Variants in CELSR1 observed in about 807,000 individuals in gnomAD.
The protein encoded by CELSR1 is adhesion G protein-coupled receptor C1.
A neutral mutation model predicts 249.1 loss-of-function variants in CELSR1; 110 were observed. The observed-to-expected ratio is 0.44, with a 90% confidence interval of 0.38 to 0.52. The LOEUF is 0.52. Among genes scored for constraint, CELSR1 ranks in the 20% least tolerant of loss-of-function variants. CELSR1 has a pLI of 0.00. For synonymous variants in CELSR1, 2,113 were observed against 1,900.0 expected (o/e 1.11, Z -2.92); for missense variants, 4,109 against 4,296.4 (o/e 0.96, Z 1.22).
Position 46,418,567 on chromosome 22 carries a change from CAAGT to C in CELSR1, c.4612-6812_4612-6809del, listed in dbSNP as rs367676324. Reference sequence around the variant, plus strand: ...TTTACATCTTTAAAGAAAAAAGCAGCAAGTAAGCAACTCGTGCAATTAGCCTCTC... The same window carrying C: ...TTTACATCTTTAAAGAAAAAAGCAGCAAGCAACTCGTGCAATTAGCCTCTC... On this transcript the variant is annotated intron_variant, in intron 5 of 34. Coordinates refer to ENST00000674500, the MANE Select transcript of CELSR1 (RefSeq NM_001378328.1). Among the ~76,000 whole-genome samples, 737 of 152,200 alleles carry C rather than the reference CAAGT, an allele frequency of 4.8e-3. 6 individuals carry two copies. Among genetic ancestry groups the C allele is most frequent in the South Asian group, 0.024 (117 of 4,800 alleles).
Position 46,411,653 on chromosome 22 carries a change from T to G in CELSR1, c.4718A>C (p.Asp1573Ala). Residue 1573 changes from aspartate (D) to alanine (A), a missense_variant, in exon 6 of 35, where the codon GAC becomes GCC. Physicochemically the swap from Asp to Ala is moderately radical, Grantham distance 126. Around this residue, in one of 7 missense-constraint regions of CELSR1, gnomAD observed 453 missense variants for 492.0 expected, o/e 0.92. Coordinates refer to ENST00000674500, the MANE Select transcript of CELSR1 (RefSeq NM_001378328.1). This position sits in a 1 kb window ranked among gnomAD's most constrained non-coding sequence, Gnocchi z 4.2. Reference protein sequence around the residue: ...DTTMAVRFGKDIGNYSCAAQG... With the variant: ...DTTMAVRFGKAIGNYSCAAQG... ...GGCAGCGCAGCTGTAGTTCCCGATGTCCTTTCCAAAGCGCACAGCCATGGT... is the reference window on the plus strand; with the variant it reads ...GGCAGCGCAGCTGTAGTTCCCGATGGCCTTTCCAAAGCGCACAGCCATGGT... The G allele has an allele frequency of 6.2e-7, 1 of 1,614,196 alleles. No individual in the cohort carries two copies. Among genetic ancestry groups the G allele is most frequent in the Non-Finnish European group, 8.5e-7 (1 of 1,180,034 alleles).
intron 1 of CELSR1, among the ~76,000 whole-genome samples, chr22:46,476,137 G>A (rs191562789): frequency 6.6e-6 from 1 of 152,138 alleles, no homozygotes; most frequent in Non-Finnish European, 1.5e-5. Flanking sequence ...TCTATCCCTA[G>A]GTGCAATGCA....
At position 46,391,107 on chromosome 22, in the gene CELSR1, A is replaced by G; in HGVS notation, c.6250+79T>C. 1 of 1,160,396 alleles carries G rather than the reference A, an allele frequency of 8.6e-7. No homozygotes were observed. Among genetic ancestry groups the G allele is most frequent in the Non-Finnish European group, 1.3e-6 (1 of 797,628 alleles). The allele number at this position is 1,160,396 out of a possible 1,614,324, so 71.9% of individuals were successfully genotyped here. The stretch of plus-strand genomic sequence containing the variant: ...ATATTTTTTCAACACGAAACATTCC[A>G]TGAGTCCCCACATCTCGACTGGCTC... On this transcript the variant is annotated intron_variant, in intron 16 of 34. Transcript: ENST00000674500. This position sits in a 1 kb window ranked among gnomAD's most constrained non-coding sequence, Gnocchi z 4.3.
Position 46,464,746 on chromosome 22 carries a change from C to T in CELSR1, c.3545-401G>A, listed in dbSNP as rs1477586930. ...GTTCCAGCCACATGAGGACTTGAAG[C>T]CCCCTTCTACCTCCTCTGCACCTGC... is the stretch of plus-strand genomic sequence containing the variant. On this transcript the variant is annotated intron_variant, in intron 1 of 34. Transcript: ENST00000674500. The surrounding 1 kb of genome is among the most constrained non-coding windows in gnomAD (Gnocchi z 8.5). 2.6e-5 allele frequency among the ~76,000 whole-genome samples: 4 copies of T among 152,174 alleles called. No homozygotes were observed. In the South Asian group the frequency reaches 8.3e-4, roughly 31 times the overall value.
In CELSR1 at chr22:46,517,533, G is replaced by A. The variant is rs894470292; in HGVS notation, c.3544+16094C>T. Reference sequence around the variant, plus strand: ...GGCGCCCCAGGCCGGCTCTTGTCTTGGTACCTCTGTCCACAGTAAGGTGCC... The same window carrying A: ...GGCGCCCCAGGCCGGCTCTTGTCTTAGTACCTCTGTCCACAGTAAGGTGCC... On this transcript the variant is annotated intron_variant, in intron 1 of 34. Coordinates refer to ENST00000674500, the MANE Select transcript of CELSR1 (RefSeq NM_001378328.1). The surrounding 1 kb of genome is among the most constrained non-coding windows in gnomAD (Gnocchi z 5.4). Among the ~76,000 whole-genome samples, 1 of 152,114 alleles carries A rather than the reference G, an allele frequency of 6.6e-6. No homozygotes were observed. Among genetic ancestry groups the A allele is most frequent in the African/African-American group, 2.4e-5 (1 of 41,418 alleles).
In CELSR1 at chr22:46,430,638, GGCT is replaced by G. The variant is rs2079584724; in HGVS notation, c.4611+2752_4611+2754del. ...GGTGGCCCAAGGTCACCCCCAAGGT[GGCT>G]GCTGGAGGACAGGACCAGAGGTGAC... is the stretch of plus-strand genomic sequence containing the variant. On this transcript the variant is annotated intron_variant, in intron 5 of 34. Transcript: ENST00000674500. The surrounding 1 kb of genome is among the most constrained non-coding windows in gnomAD (Gnocchi z 4.6). Among the ~76,000 whole-genome samples the G allele has an allele frequency of 6.6e-6, 1 of 152,308 alleles. No individual in the cohort carries two copies. Among genetic ancestry groups the G allele is most frequent in the South Asian group, 2.1e-4 (1 of 4,832 alleles).
chr22:46,384,134 C>T (rs142335880), intron 20 of CELSR1, among the ~76,000 whole-genome samples: 3,426 of 152,030 alleles, frequency 0.023, 68 homozygotes, highest in Non-Finnish European at 0.036. Flanking sequence ...CGGGGTTTTA[C>T]CACGTTGGCC....
chr22:46,536,891 C>T lies in CELSR1; in HGVS notation c.280G>A (p.Ala94Thr), dbSNP rs186581679. The T allele has an allele frequency of 2.4e-3, 2,936 of 1,223,502 alleles. 39 individuals are homozygous for T. In the African/African-American group the frequency reaches 0.038, roughly 16 times the overall value. The allele number at this position is 1,223,502 out of a possible 1,614,324, so 75.8% of individuals were successfully genotyped here. A position where few individuals can be genotyped will look rare whatever the true frequency, so the allele number is the denominator to read the frequency against. ...RPLPLQVRLVARSAPTALSRR... is the reference protein window; with the variant it reads ...RPLPLQVRLVTRSAPTALSRR... Reference sequence around the variant, plus strand: ...CTCAGCGCCGTCGGGGCACTGCGGGCCACCAAGCGGACTTGCAGCGGCAGC... The same window carrying T: ...CTCAGCGCCGTCGGGGCACTGCGGGTCACCAAGCGGACTTGCAGCGGCAGC... The change falls in exon 1 of 35, where the codon GCC (alanine) becomes ACC (threonine). Residue 94 changes from alanine (A) to threonine (T), a missense_variant. Around this residue, in one of 7 missense-constraint regions of CELSR1, gnomAD observed 673 missense variants for 636.8 expected, o/e 1.06. Coordinates refer to ENST00000674500, the MANE Select transcript of CELSR1 (RefSeq NM_001378328.1).
At chr22:46,369,910 C>T (rs1388849557) in intron 25 of CELSR1, 106 bp from the exon 26 acceptor site, 12 of 929,068 alleles carry the variant, frequency 1.3e-5, no homozygotes, top group Non-Finnish European at 2.1e-5. Flanking sequence ...CAGCATCTCC[C>T]TTCTCAGAGG....
Position 46,386,595 on chromosome 22 carries a change from C to A in CELSR1, c.6556-10G>T. ...CCGAGTGGATGACGTCCTGGTCAGA[C>A]AGACAGCACTCAGTACTCAGCCTGC... is the stretch of plus-strand genomic sequence containing the variant. On this transcript the variant is annotated splice_polypyrimidine_tract_variant and intron_variant, in intron 18 of 34. Transcript: ENST00000674500. The A allele has an allele frequency of 6.3e-7, 1 of 1,580,752 alleles. No homozygotes were observed. Among genetic ancestry groups the A allele is most frequent in the Non-Finnish European group, 8.5e-7 (1 of 1,170,578 alleles).
At chr22:46,461,125 C>G (rs1235633121) in intron 2 of CELSR1, among the ~76,000 whole-genome samples, 1 of 152,090 alleles carries the variant, frequency 6.6e-6, no homozygotes, top group Admixed American at 6.6e-5. Context: ...CAATTACCTC[C>G]ACGCAGAAAA....
chr22:46,438,717 G>A (rs1299424303), intron 3 of CELSR1, among the ~76,000 whole-genome samples: 1 of 152,178 alleles, frequency 6.6e-6, no homozygotes, highest in African/African-American at 2.4e-5. Flanking sequence ...GGGCTGAAGA[G>A]AAGTGGGTTA....
At position 46,367,149 on chromosome 22, in the gene CELSR1, C is replaced by T. The variant is rs1361613969; in HGVS notation, c.8080-31G>A. 2.5e-6 allele frequency: 4 copies of T among 1,602,124 alleles called. No homozygotes were observed. The Admixed American group carries it at 6.8e-5, about 27-fold the overall frequency. ...GGGAGGAAGGTGGGGTCAGCACCTG[C>T]TGCTGCCTCCCTAGGCACCTGCCCT... On this transcript the variant is annotated intron_variant, in intron 28 of 34. Transcript: ENST00000674500.
At position 46,361,252 on chromosome 22, in the gene CELSR1, T is replaced by A. The variant is rs1460898999; in HGVS notation, c.*1971A>T. The A allele has an allele frequency of 7.0e-6, 1 of 143,396 alleles. No homozygotes were observed. Among genetic ancestry groups the A allele is most frequent in the African/African-American group, 3.0e-5 (1 of 32,938 alleles). 8.9% of individuals were successfully genotyped at this position (143,396 alleles called of 1,614,324 possible). A position where few individuals can be genotyped will look rare whatever the true frequency, so the allele number is the denominator to read the frequency against. Reference sequence around the variant, plus strand: ...TGTTTTGAACATTAATAAATACACGTTCTGTTAAAAACCTCCAGTGTCTAA... The same window carrying A: ...TGTTTTGAACATTAATAAATACACGATCTGTTAAAAACCTCCAGTGTCTAA... On this transcript the variant is annotated 3_prime_UTR_variant, in exon 35 of 35. Coordinates refer to ENST00000674500, the MANE Select transcript of CELSR1 (RefSeq NM_001378328.1).
At chr22:46,405,872 C>T (rs780159801) in intron 9 of CELSR1, among the ~76,000 whole-genome samples, 22 of 152,248 alleles carry the variant, frequency 1.4e-4, no homozygotes, top group Non-Finnish European at 2.4e-4. Context: ...GAGAAATCCC[C>T]CAGAACCTTC....
chr22:46,523,096 A>G (rs2080702243), intron 1 of CELSR1, among the ~76,000 whole-genome samples: 1 of 152,278 alleles, frequency 6.6e-6, no homozygotes, highest in African/African-American at 2.4e-5. Flanking sequence ...TCCGAATGCT[A>G]ACAGGGCATG....
In CELSR1 at chr22:46,408,939, GTCCC is replaced by G; in HGVS notation, c.5226+53_5226+56del. 2.1e-6 allele frequency: 3 copies of G among 1,446,450 alleles called. No homozygotes were observed. The highest frequency in any genetic ancestry group is 2.8e-6 in the Non-Finnish European group (3 of 1,080,606). 89.6% of individuals were successfully genotyped at this position (1,446,450 alleles called of 1,614,324 possible). ...GTGCACCAGGAAGCCCAGCGCCTGG[GTCCC>G]TCCCTCGGGCACCCACCTAGCAGGT... On this transcript the variant is annotated intron_variant, in intron 9 of 34. Transcript: ENST00000674500. This position sits in a 1 kb window ranked among gnomAD's most constrained non-coding sequence, Gnocchi z 4.6.
chr22:46,438,535 C>T (rs2079694883), intron 3 of CELSR1, among the ~76,000 whole-genome samples: 1 of 152,210 alleles, frequency 6.6e-6, no homozygotes, highest in Admixed American at 6.5e-5. Context: ...GATGGTTTAG[C>T]CACCGTCACA....
rs1463522444 is a variant in CELSR1, at chr22:46,506,825, T to C, written c.3544+26802A>G. Among the ~76,000 whole-genome samples the C allele has an allele frequency of 6.6e-6, 1 of 151,814 alleles. No individual in the cohort carries two copies. Among genetic ancestry groups the C allele is most frequent in the Non-Finnish European group, 1.5e-5 (1 of 67,976 alleles). On this transcript the variant is annotated intron_variant, in intron 1 of 34. Coordinates refer to ENST00000674500, the MANE Select transcript of CELSR1 (RefSeq NM_001378328.1). The surrounding 1 kb of genome is among the most constrained non-coding windows in gnomAD (Gnocchi z 4.1). ...AGGAAGCTGAGGCCAAGCCCGGGGG[T>C]GTCTTCTCCACGGTCTGTCACCCGC...
Sources: allele counts gnomAD v4.1 joint callset (sites outside exome capture counted in the v4.1 genomes callset), GRCh38; gene constraint gnomAD v4.1.1; regional missense constraint gnomAD v4.1.1; non-coding constraint Gnocchi (gnomAD v3.1); transcripts MANE v1.5; gene names NCBI Gene and HGNC (gene_info 2026-07-23, HGNC 2026-07-21).